Variants in CHST15 observed in about 807,000 individuals in gnomAD.
CHST15 encodes carbohydrate sulfotransferase 15.
Under a neutral mutation model 53.6 loss-of-function variants are expected in CHST15, and 30 were observed. The ratio of observed to expected loss-of-function variants is 0.56; its 90% CI spans 0.42 to 0.76. CHST15 has a LOEUF of 0.76. Ranked by LOEUF, CHST15 falls within the 30% of genes least tolerant of loss-of-function variation. The pLI, the probability that CHST15 is intolerant of heterozygous loss-of-function variation, is 0.00. For synonymous variants in CHST15, 296 were observed against 289.8 expected, an observed-to-expected ratio of 1.02 and a Z score of -0.22; for missense variants, 627 against 740.5, an observed-to-expected ratio of 0.85 and a Z score of 1.78.
At chr10:124,082,280 C>T (rs545814031) in intron 1 of CHST15, among the ~76,000 whole-genome samples, 1 of 152,180 alleles carries the variant, frequency 6.6e-6, no homozygotes, top group Non-Finnish European at 1.5e-5. Context: ...TTAGGGAGAA[C>T]TTTTGGAGTA....
intron 1 of CHST15, among the ~76,000 whole-genome samples, chr10:124,091,409 C>A (rs1401915269): frequency 1.3e-5 from 2 of 152,186 alleles, no homozygotes; most frequent in African/African-American, 4.8e-5. Flanking sequence ...AGGAGAAACG[C>A]TGGGCAAATC....
intron 1 of CHST15, among the ~76,000 whole-genome samples, chr10:124,062,009 A>AT (rs35728883): frequency 0.019 from 2,300 of 121,510 alleles, 21 homozygotes; most frequent in Non-Finnish European, 0.027. Context: ...ACTATAAATC[A>AT]TTAAAAAAAA....
chr10:124,043,544 G>A (rs1481870063), intron 3 of CHST15, among the ~76,000 whole-genome samples: 1 of 152,212 alleles, frequency 6.6e-6, no homozygotes, highest in African/African-American at 2.4e-5. Context: ...CACCCTCGTG[G>A]CCTGCCAGGA....
chr10:124,064,213 A>G (rs1194260139), intron 1 of CHST15, among the ~76,000 whole-genome samples: 1 of 152,238 alleles, frequency 6.6e-6, no homozygotes, highest in Non-Finnish European at 1.5e-5. Context: ...ACGAAAAGTC[A>G]TTGTAGCTGA....
In CHST15 at chr10:124,044,795, C is replaced by G. The variant is rs748750523; in HGVS notation, c.671G>C (p.Arg224Pro). The change falls in exon 3 of 8, where the codon CGC becomes CCC. Residue 224 changes from arginine to proline, a missense_variant. This residue lies in a region of CHST15 where 161 missense variants were observed against 117.2 expected (regional missense o/e 1.37). Transcript: ENST00000435907. ...LTNSYVLYSK[R>P]FRSTFDALRK... ...CAGGGCGTCGAAGGTGGAGCGGAAG[C>G]GCTTGGAGTAGAGCACGTAGGAGTT... 6.2e-7 allele frequency: 1 copy of G among 1,607,016 alleles called. No individual in the cohort carries two copies. Among genetic ancestry groups the G allele is most frequent in the East Asian group, 2.2e-5 (1 of 44,564 alleles).
chr10:124,037,958 G>C (rs1012754079), intron 5 of CHST15, among the ~76,000 whole-genome samples: 2 of 150,788 alleles, frequency 1.3e-5, no homozygotes, highest in African/African-American at 2.5e-5. Context: ...AGGCCTGCTG[G>C]GGCTGAAGTC....
intron 2 of CHST15, 34 bp downstream of exon 2, chr10:124,045,633 A>G (rs1279120488): frequency 2.0e-6 from 3 of 1,516,274 alleles, no homozygotes; most frequent in African/African-American, 1.4e-5. Context: ...CTAAAAATCA[A>G]CCAATCAGTC....
intron 1 of CHST15, among the ~76,000 whole-genome samples, chr10:124,070,566 G>C (rs28485910): frequency 6.6e-6 from 1 of 151,722 alleles, no homozygotes; most frequent in Admixed American, 6.6e-5. Flanking sequence ...AAATAGAAAC[G>C]GGGTTTCACC....
At chr10:124,068,714 C>A (rs1483527823) in intron 1 of CHST15, among the ~76,000 whole-genome samples, 2 of 152,126 alleles carry the variant, frequency 1.3e-5, no homozygotes, top group East Asian at 3.8e-4. Context: ...CATCACTATG[C>A]TCTTATTAAA....
Position 124,021,276 on chromosome 10 carries a change from T to A in CHST15, c.1327A>T (p.Thr443Ser). ...CACACAGGCATGGCGTTGTTGAGGG[T>A]GTTGTTGTAGACGCAGGCGCGCAGT... Reference protein sequence around the residue: ...YSLRACVYNNTLNNAMPVRLQ... With the variant: ...YSLRACVYNNSLNNAMPVRLQ... The change falls in exon 6 of 8, where the codon ACC becomes TCC. Residue 443 changes from threonine (T) to serine (S), a missense_variant. Coordinates refer to ENST00000435907, the MANE Select transcript of CHST15 (RefSeq NM_001270764.2). 1 of 1,571,898 alleles carries A rather than the reference T, an allele frequency of 6.4e-7. No individual in the cohort carries two copies. The highest frequency in any genetic ancestry group is 8.7e-7 in the Non-Finnish European group (1 of 1,152,824).
intron 1 of CHST15, among the ~76,000 whole-genome samples, chr10:124,065,407 G>T (rs1948723445): frequency 1.3e-5 from 2 of 152,136 alleles, no homozygotes; most frequent in African/African-American, 4.8e-5. Flanking sequence ...AAGTAAATAA[G>T]TAATAAAACT....
Position 124,007,799 on chromosome 10 carries a change from C to T in CHST15, c.*2350G>A. Reference sequence around the variant, plus strand: ...CATACCTTACAGGACTAAGGGAGTACAATTTAACACGGTCACAACTTTTGA... The same window carrying T: ...CATACCTTACAGGACTAAGGGAGTATAATTTAACACGGTCACAACTTTTGA... On this transcript the variant is annotated 3_prime_UTR_variant, in exon 8 of 8. Coordinates refer to ENST00000435907, the MANE Select transcript of CHST15 (RefSeq NM_001270764.2). The T allele has an allele frequency of 8.1e-7, 1 of 1,231,992 alleles. No homozygotes were observed. The highest frequency in any genetic ancestry group is 1.0e-6 in the Non-Finnish European group (1 of 987,948). The allele number at this position is 1,231,992 out of a possible 1,614,324, so 76.3% of individuals were successfully genotyped here. A position where few individuals can be genotyped will look rare whatever the true frequency, so the allele number is the denominator to read the frequency against.
rs1311615014 is a variant in CHST15, at chr10:124,036,450, A to C, written c.1190+2065T>G. 6.6e-6 allele frequency among the ~76,000 whole-genome samples: 1 copy of C among 152,166 alleles called. No individual in the cohort carries two copies. On this transcript the variant is annotated intron_variant, in intron 5 of 7. Coordinates refer to ENST00000435907, the MANE Select transcript of CHST15 (RefSeq NM_001270764.2). This position sits in a 1 kb window ranked among gnomAD's most constrained non-coding sequence, Gnocchi z 5.1. ...AAGGCATGGCACCGGGACAGCCACCAAGAGCTCAGGCTCAGAGCGCTGGGG... is the reference window on the plus strand; with the variant it reads ...AAGGCATGGCACCGGGACAGCCACCCAGAGCTCAGGCTCAGAGCGCTGGGG...
At position 124,007,751 on chromosome 10, in the gene CHST15, C is replaced by G. The variant is rs904021681; in HGVS notation, c.*2398G>C. On this transcript the variant is annotated 3_prime_UTR_variant, in exon 8 of 8. Transcript: ENST00000435907. Reference sequence around the variant, plus strand: ...ATTATGTTAAATATTAATAAAAGTACAGCGTAACTGCGATTCACTTAACAT... The same window carrying G: ...ATTATGTTAAATATTAATAAAAGTAGAGCGTAACTGCGATTCACTTAACAT... 1.6e-6 allele frequency: 2 copies of G among 1,230,532 alleles called. No individual in the cohort carries two copies. Among genetic ancestry groups the G allele is most frequent in the Non-Finnish European group, 1.0e-6 (1 of 987,518 alleles). 76.2% of individuals were successfully genotyped at this position (1,230,532 alleles called of 1,614,324 possible).
chr10:124,059,257 G>A (rs989117532), intron 1 of CHST15, among the ~76,000 whole-genome samples: 6 of 152,102 alleles, frequency 3.9e-5, no homozygotes, highest in Non-Finnish European at 7.4e-5. Flanking sequence ...CTTTTTGCAC[G>A]TTTTTGGGGC....
At position 124,021,380 on chromosome 10, in the gene CHST15, G is replaced by T. The variant is rs375217023; in HGVS notation, c.1223C>A (p.Ser408Ter). 5 of 1,613,830 alleles carry T rather than the reference G, an allele frequency of 3.1e-6. No homozygotes were observed. The highest frequency in any genetic ancestry group is 2.2e-5 in the East Asian group (1 of 44,896). The change falls in exon 6 of 8, where the codon TCG (serine) becomes TAG (stop). Residue 408 changes from serine to a stop codon, truncating the protein, a stop_gained. Transcript: ENST00000435907. LOFTEE classifies it high-confidence loss of function. ...LYSDYLYFASSNKSADDFHEK... is the reference protein window; with the variant it reads ...LYSDYLYFAS ...ATGGAAGTCGTCCGCGGATTTATTCGAACTTGCAAAGTAGAGATAGTCTGA... is the reference window on the plus strand; with the variant it reads ...ATGGAAGTCGTCCGCGGATTTATTCTAACTTGCAAAGTAGAGATAGTCTGA...
intron 6 of CHST15, chr10:124,020,616 G>C (rs1277609417): frequency 1.0e-6 from 1 of 987,408 alleles, no homozygotes; most frequent in Non-Finnish European, 1.2e-6. Context: ...AGCCACTCTG[G>C]AACACGCAGC....
At chr10:124,034,159 C>A (rs768697346) in intron 5 of CHST15, among the ~76,000 whole-genome samples, 7 of 152,208 alleles carry the variant, frequency 4.6e-5, no homozygotes, top group Non-Finnish European at 8.8e-5. Flanking sequence ...CAGCACAGCA[C>A]CCAGCCTGTG....
intron 1 of CHST15, among the ~76,000 whole-genome samples, chr10:124,084,692 C>T (rs28506853): frequency 0.67 from 101,651 of 152,034 alleles, 34,238 homozygotes; most frequent in African/African-American, 0.73. Flanking sequence ...ACATGAGAAC[C>T]TCCTGCTCCC....
Sources: allele counts gnomAD v4.1 joint callset (sites outside exome capture counted in the v4.1 genomes callset), GRCh38; gene constraint gnomAD v4.1.1; regional missense constraint gnomAD v4.1.1; non-coding constraint Gnocchi (gnomAD v3.1); transcripts MANE v1.5; gene names NCBI Gene and HGNC (gene_info 2026-07-23, HGNC 2026-07-21).